DMBT1: variants seen among roughly 807,000 people sequenced by gnomAD.
DMBT1 encodes the protein deleted in malignant brain tumors 1.
In DMBT1, 198 loss-of-function variants were observed where a neutral mutation model predicts 252.9. The observed-to-expected ratio is 0.78, with a 90% confidence interval of 0.70 to 0.88. The LOEUF is 0.88. DMBT1 is among the 40% of genes least tolerant of loss of function. The pLI is 0.00. For synonymous variants in DMBT1, 990 were observed against 942.7 expected (o/e 1.05, Z -0.92); for missense variants, 2,432 against 2,404.7 (o/e 1.01, Z -0.24).
Position 122,593,578 on chromosome 10 carries a change from C to A in DMBT1, c.2510C>A (p.Ser837Tyr). The A allele has an allele frequency of 6.3e-7, 1 of 1,587,466 alleles. No homozygotes were observed. The highest frequency in any genetic ancestry group is 8.6e-7 in the Non-Finnish European group (1 of 1,165,068). Residue 837 changes from serine (S) to tyrosine (Y), a missense_variant, in exon 21 of 56, where the codon TCC becomes TAC. By Grantham distance (144) the Ser-to-Tyr change is moderately radical (BLOSUM62 -2). Around this residue, in one of 3 missense-constraint regions of DMBT1, gnomAD observed 1,264 missense variants for 1,082.2 expected, o/e 1.17. Coordinates refer to ENST00000338354, the MANE Select transcript of DMBT1 (RefSeq NM_001377530.1). ...DAGVICSVSQ[S>Y]RPTPSPDTWP... Reference sequence around the variant, plus strand: ...CTTCTCTTTCTCACAGTTTCCCAGTCCCGGCCGACACCCAGTCCAGGTAGG... The same window carrying A: ...CTTCTCTTTCTCACAGTTTCCCAGTACCGGCCGACACCCAGTCCAGGTAGG...
intron 1 of DMBT1, 52 bp downstream of exon 1, chr10:122,560,883 A>G: frequency 7.4e-7 from 1 of 1,358,532 alleles, no homozygotes; most frequent in Non-Finnish European, 1.0e-6. Flanking sequence ...AGACCCAATC[A>G]TGGCAAATTA....
chr10:122,617,779 A>G (rs1421759162), intron 40 of DMBT1, among the ~76,000 whole-genome samples: 1 of 151,482 alleles, frequency 6.6e-6, no homozygotes, highest in Non-Finnish European at 1.5e-5. Flanking sequence ...CATTCCTGTC[A>G]CTTCCAGTGG....
intron 55 of DMBT1, among the ~76,000 whole-genome samples, chr10:122,640,776 C>T (rs1037415799): frequency 1.2e-4 from 18 of 152,160 alleles, no homozygotes; most frequent in African/African-American, 4.1e-4. Flanking sequence ...CGTGATCAGA[C>T]TCTAGGTGAC....
chr10:122,631,176 G>A lies in DMBT1; in HGVS notation c.6241G>A (p.Asp2081Asn), dbSNP rs369454959. Residue 2081 changes from aspartate to asparagine, a missense_variant, in exon 49 of 56, where the codon GAT becomes AAT. Around this residue, in one of 3 missense-constraint regions of DMBT1, gnomAD observed 1,162 missense variants for 1,169.0 expected, o/e 0.99. Transcript: ENST00000338354. ...TGGCTCTGGCCCCATCACCCTGGACGATGTAGAGTGCTCAGGGACGGAATC... is the reference window on the plus strand; with the variant it reads ...TGGCTCTGGCCCCATCACCCTGGACAATGTAGAGTGCTCAGGGACGGAATC... ...GSGSGPITLD[D>N]VECSGTESTL... is the part of the protein sequence containing the mutation. 25 of 1,613,886 alleles carry A rather than the reference G, an allele frequency of 1.5e-5. No homozygotes were observed. Among genetic ancestry groups the A allele is most frequent in the East Asian group, 6.7e-5 (3 of 44,876 alleles).
In DMBT1 at chr10:122,560,878, C is replaced by A. The variant is rs1361539640; in HGVS notation, c.61+47C>A. ...TTCATTAATTTCTCTCCTGCAGACC[C>A]AATCATGGCAAATTATATCTACTAC... On this transcript the variant is annotated intron_variant, in intron 1 of 55. Coordinates refer to ENST00000338354, the MANE Select transcript of DMBT1 (RefSeq NM_001377530.1). The A allele has an allele frequency of 7.1e-6, 10 of 1,410,446 alleles. No individual in the cohort carries two copies. The East Asian group carries it at 7.5e-5, about 11-fold the overall frequency. 87.4% of individuals were successfully genotyped at this position (1,410,446 alleles called of 1,614,324 possible).
intron 54 of DMBT1, among the ~76,000 whole-genome samples, chr10:122,639,174 T>C (rs1205681791): frequency 6.6e-6 from 1 of 152,180 alleles, no homozygotes; most frequent in Non-Finnish European, 1.5e-5. Context: ...TTATTTGGAG[T>C]GGATTCAGAA....
Position 122,597,967 on chromosome 10 carries a change from A to G in DMBT1, c.2918-7A>G, listed in dbSNP as rs375210984. Reference sequence around the variant, plus strand: ...AATTCTAGCCTTTGTCTCTGTTGCAATTACAGACACATTGCCGACCATCAC... The same window carrying G: ...AATTCTAGCCTTTGTCTCTGTTGCAGTTACAGACACATTGCCGACCATCAC... On this transcript the variant is annotated splice_region_variant and splice_polypyrimidine_tract_variant and intron_variant, in intron 24 of 55. Transcript: ENST00000338354. 12 of 1,613,758 alleles carry G rather than the reference A, an allele frequency of 7.4e-6. No homozygotes were observed. The East Asian group carries it at 8.9e-5, about 12-fold the overall frequency.
intron 54 of DMBT1, 92 bp from the exon 55 acceptor site, chr10:122,639,948 T>C: frequency 6.9e-7 from 1 of 1,446,778 alleles, no homozygotes; most frequent in Non-Finnish European, 9.3e-7. Flanking sequence ...TCTTGTTGAG[T>C]CACGTCCCTC....
At position 122,621,148 on chromosome 10, in the gene DMBT1, C is replaced by T. The variant is rs190400260; in HGVS notation, c.5376C>T (p.Thr1792=). The T allele has an allele frequency of 6.4e-5, 104 of 1,613,766 alleles. No individual in the cohort carries two copies. In the African/African-American group the frequency reaches 8.9e-4, roughly 14 times the overall value. Residue 1792 remains threonine, a synonymous_variant, in exon 44 of 56, where the codon ACC becomes ACT. Transcript: ENST00000338354. ...TCCTGTATCGAGGCTCCTGGGGAACCGTGTGTGATGACAGCTGGGACACCA... is the reference window on the plus strand; with the variant it reads ...TCCTGTATCGAGGCTCCTGGGGAACTGTGTGTGATGACAGCTGGGACACCA... The part of the protein sequence containing the change: ...VEVLYRGSWG[T]VCDDSWDTND...
intron 55 of DMBT1, among the ~76,000 whole-genome samples, chr10:122,641,220 G>T (rs1052331641): frequency 2.0e-5 from 3 of 152,156 alleles, no homozygotes; most frequent in African/African-American, 7.2e-5. Context: ...AGCTTCCCTG[G>T]ATGACTGCAT....
intron 16 of DMBT1, among the ~76,000 whole-genome samples, chr10:122,588,666 G>A (rs2097818041): frequency 6.7e-6 from 1 of 149,058 alleles, no homozygotes; most frequent in East Asian, 2.1e-4. Context: ...GCTCCATCCT[G>A]TGTGTGCCCA....
Position 122,640,226 on chromosome 10 carries a change from G to C in DMBT1, c.7129G>C (p.Val2377Leu). The C allele has an allele frequency of 6.2e-7, 1 of 1,614,064 alleles. No homozygotes were observed. The highest frequency in any genetic ancestry group is 1.7e-5 in the Admixed American group (1 of 60,036). Residue 2377 changes from valine to leucine, a missense_variant, in exon 55 of 56, where the codon GTC (valine) becomes CTC (leucine). Physicochemically the swap from Val to Leu is conservative, Grantham distance 32 (BLOSUM62 1). Around this residue, in one of 3 missense-constraint regions of DMBT1, gnomAD observed 1,162 missense variants for 1,169.0 expected, o/e 0.99. Transcript: ENST00000338354. ...TAATAACACCATCCAGGTCGAGGAAGTCCAGTATGGCAATTTTGACGTGAA... is the reference window on the plus strand; with the variant it reads ...TAATAACACCATCCAGGTCGAGGAACTCCAGTATGGCAATTTTGACGTGAA... ...VANNTIQVEEVQYGNFDVNIS... is the reference protein window; with the variant it reads ...VANNTIQVEELQYGNFDVNIS...
At chr10:122,588,817 T>G in intron 16 of DMBT1, 127 bp from the exon 17 acceptor site, 1 of 1,482,478 alleles carries the variant, frequency 6.7e-7, no homozygotes, top group Non-Finnish European at 9.2e-7. Context: ...CTGGTTGCAG[T>G]CATCTTTAAT....
At chr10:122,577,760 C>G in intron 7 of DMBT1, 51 bp from the exon 8 acceptor site, 1 of 1,609,660 alleles carries the variant, frequency 6.2e-7, no homozygotes, top group Non-Finnish European at 8.5e-7. Context: ...CTTAACTCTA[C>G]TTGGAGTCAC....
At position 122,589,303 on chromosome 10, in the gene DMBT1, G is replaced by T. The variant is rs191158206; in HGVS notation, c.2107+36G>T. The stretch of plus-strand genomic sequence containing the variant: ...AGCAATTTTGGTTTCCTCTCTTGGG[G>T]TAGATTTTGCCCAGGAAGAGAGGTC... On this transcript the variant is annotated intron_variant, in intron 17 of 55. Coordinates refer to ENST00000338354, the MANE Select transcript of DMBT1 (RefSeq NM_001377530.1). The T allele has an allele frequency of 3.8e-5, 61 of 1,587,420 alleles. 4 individuals are homozygous for T. The African/African-American group carries it at 7.4e-4, about 19-fold the overall frequency.
chr10:122,618,362 CT>C, intron 41 of DMBT1, 22 bp downstream of exon 41: 1 of 1,613,822 alleles, frequency 6.2e-7, no homozygotes, highest in Non-Finnish European at 8.5e-7. Context: ...AGACCTTGGG[CT>C]CCCTCTCTTA....
intron 16 of DMBT1, 112 bp downstream of exon 16, chr10:122,586,495 G>A: frequency 1.4e-6 from 2 of 1,459,170 alleles, no homozygotes; most frequent in East Asian, 2.4e-5. Flanking sequence ...CTATATTTCT[G>A]ATACCTCCTT....
chr10:122,639,319 T>C (rs1221348916), intron 54 of DMBT1, among the ~76,000 whole-genome samples: 1 of 152,202 alleles, frequency 6.6e-6, no homozygotes, highest in Non-Finnish European at 1.5e-5. Flanking sequence ...TGTGCGTCCA[T>C]GTGAAAAGAC....
intron 54 of DMBT1, 56 bp from the exon 55 acceptor site, chr10:122,639,984 G>A (rs1027850749): frequency 6.4e-7 from 1 of 1,567,840 alleles, no homozygotes; most frequent in African/African-American, 1.3e-5. Flanking sequence ...TCAGCTATGG[G>A]ATTCCCTTAG....
Sources: gnomAD v4.1 joint callset for allele counts (sites outside exome capture counted in the v4.1 genomes callset) on GRCh38, gnomAD v4.1.1 for gene constraint, gnomAD v4.1.1 regional missense constraint, MANE v1.5 for transcripts, NCBI Gene and HGNC (gene_info 2026-07-23, HGNC 2026-07-21) for gene names.